LHFPL6: variants seen among roughly 807,000 people sequenced by gnomAD.
LHFPL6 encodes LHFPL tetraspan subfamily member 6.
Under a neutral mutation model 20.6 loss-of-function variants are expected in LHFPL6, and 9 were observed. The observed-to-expected ratio is 0.44, with a 90% CI of 0.26 to 0.76. The LOEUF (loss-of-function observed/expected upper bound fraction) is 0.76. Ranked by LOEUF, LHFPL6 falls within the 30% of genes least tolerant of loss-of-function variation. The pLI is 0.20. For synonymous variants in LHFPL6, 105 were observed against 98.7 expected, an observed-to-expected ratio of 1.06 and a Z score of -0.38; for missense variants, 218 against 253.5, an observed-to-expected ratio of 0.86 and a Z score of 0.95.
chr13:39,462,254 C>G (rs1872706467), intron 2 of LHFPL6, among the ~76,000 whole-genome samples: 1 of 152,182 alleles, frequency 6.6e-6, no homozygotes, highest in Non-Finnish European at 1.5e-5. Flanking sequence ...CCCTCAGAAA[C>G]ACTCCCCTCT....
chr13:39,425,270 CA>C (rs1871609124), intron 2 of LHFPL6, among the ~76,000 whole-genome samples: 1 of 152,196 alleles, frequency 6.6e-6, no homozygotes, highest in South Asian at 2.1e-4. Context: ...TTTATTGTAA[CA>C]GTCCATTGCA....
intron 2 of LHFPL6, among the ~76,000 whole-genome samples, chr13:39,431,201 G>T (rs113656242): frequency 0.17 from 26,540 of 151,894 alleles, 2,691 homozygotes; most frequent in African/African-American, 0.28. Flanking sequence ...ACATCTGAAG[G>T]AACAAACTCC....
At chr13:39,474,017 G>C (rs564563165) in intron 2 of LHFPL6, among the ~76,000 whole-genome samples, 2 of 152,210 alleles carry the variant, frequency 1.3e-5, no homozygotes, top group Middle Eastern at 3.2e-3. Context: ...TTTGGGGAAA[G>C]GGTAACTATT....
chr13:39,542,774 G>A (rs1213345366), intron 2 of LHFPL6, among the ~76,000 whole-genome samples: 1 of 152,184 alleles, frequency 6.6e-6, no homozygotes. Context: ...ACAAATACTT[G>A]TCGAGCCCGT....
chr13:39,508,089 C>T lies in LHFPL6; in HGVS notation c.385+92743G>A, dbSNP rs543668588. 1.6e-3 allele frequency among the ~76,000 whole-genome samples: 240 copies of T among 151,652 alleles called. 2 individuals carry two copies. The highest frequency in any genetic ancestry group is 3.4e-3 in the Middle Eastern group (1 of 294). ...AGGCTAGAGTGCAATGGCGCCATCT[C>T]GGCTCACTGCAATCAATTTCCGCCT... is the stretch of plus-strand genomic sequence containing the variant. On this transcript the variant is annotated intron_variant, in intron 2 of 3. Transcript: ENST00000379589.
rs558772006 is a variant in LHFPL6, at chr13:39,499,453, C to A, written c.385+101379G>T. 4.6e-5 allele frequency among the ~76,000 whole-genome samples: 7 copies of A among 152,296 alleles called. No individual in the cohort carries two copies. The South Asian group carries it at 6.2e-4, about 14-fold the overall frequency. ...ACCATCCCTTGAGAGAACAGACCTG[C>A]AGCCCAGGCATCCTCAGCGCCTCTT... On this transcript the variant is annotated intron_variant, in intron 2 of 3. Coordinates refer to ENST00000379589, the MANE Select transcript of LHFPL6 (RefSeq NM_005780.3).
chr13:39,553,738 G>T (rs754803374), intron 2 of LHFPL6, among the ~76,000 whole-genome samples: 1 of 152,040 alleles, frequency 6.6e-6, no homozygotes, highest in Non-Finnish European at 1.5e-5. Flanking sequence ...AATAAAAAAG[G>T]CCAGGTGCAC....
intron 2 of LHFPL6, among the ~76,000 whole-genome samples, chr13:39,415,473 G>A (rs1290504431): frequency 6.6e-6 from 1 of 150,740 alleles, no homozygotes; most frequent in Non-Finnish European, 1.5e-5. Flanking sequence ...TCCTCTGCTG[G>A]CAAAGACAGC....
At chr13:39,387,589 T>C (rs1335043065) in intron 2 of LHFPL6, among the ~76,000 whole-genome samples, 3 of 149,374 alleles carry the variant, frequency 2.0e-5, no homozygotes, top group African/African-American at 4.9e-5. Flanking sequence ...TCATTACCCC[T>C]GTTTAATAGG....
chr13:39,527,179 T>A (rs1870316428), intron 2 of LHFPL6, among the ~76,000 whole-genome samples: 1 of 152,230 alleles, frequency 6.6e-6, no homozygotes. Flanking sequence ...TTTTCCTTTG[T>A]CCAGTCATAA....
intron 2 of LHFPL6, among the ~76,000 whole-genome samples, chr13:39,446,982 G>A (rs1260034798): frequency 6.6e-6 from 1 of 152,206 alleles, no homozygotes; most frequent in African/African-American, 2.4e-5. Flanking sequence ...CTCTAGAGCT[G>A]AATTCTAACC....
chr13:39,375,982 A>G (rs1157174511), intron 3 of LHFPL6, among the ~76,000 whole-genome samples: 2 of 152,164 alleles, frequency 1.3e-5, no homozygotes, highest in Non-Finnish European at 2.9e-5. Flanking sequence ...GAATGGTTTT[A>G]GAGTGTATAA....
rs180704066 is a variant in LHFPL6, at chr13:39,419,712, C to T, written c.386-41186G>A. ...ATTTTTTTAAAAAATTTAATCATTTCGAGTTGTATAAATATTAGGCCCATA... is the reference window on the plus strand; with the variant it reads ...ATTTTTTTAAAAAATTTAATCATTTTGAGTTGTATAAATATTAGGCCCATA... On this transcript the variant is annotated intron_variant, in intron 2 of 3. Transcript: ENST00000379589. Among the ~76,000 whole-genome samples the T allele has an allele frequency of 1.6e-4, 25 of 152,018 alleles. No individual in the cohort carries two copies. In the East Asian group the frequency reaches 2.7e-3, roughly 16 times the overall value.
chr13:39,435,803 T>TAGTTA (rs1871942174), intron 2 of LHFPL6, among the ~76,000 whole-genome samples: 2 of 152,084 alleles, frequency 1.3e-5, no homozygotes, highest in Admixed American at 1.3e-4. Context: ...AACTACATAT[T>TAGTTA]TGTATGAACC....
At chr13:39,437,142 A>C (rs1871979846) in intron 2 of LHFPL6, among the ~76,000 whole-genome samples, 1 of 152,188 alleles carries the variant, frequency 6.6e-6, no homozygotes, top group Non-Finnish European at 1.5e-5. Flanking sequence ...CGTTGCTATT[A>C]GTGTAATTCT....
At chr13:39,444,976 G>A (rs1795894812) in intron 2 of LHFPL6, among the ~76,000 whole-genome samples, 2 of 152,224 alleles carry the variant, frequency 1.3e-5, no homozygotes, top group South Asian at 4.1e-4. Flanking sequence ...CAAAGCCACA[G>A]GGGCAGGGCT....
intron 2 of LHFPL6, among the ~76,000 whole-genome samples, chr13:39,457,950 G>T (rs1228853753): frequency 6.6e-6 from 1 of 152,190 alleles, no homozygotes; most frequent in East Asian, 1.9e-4. Flanking sequence ...CAGAAATCCA[G>T]ATCCTAAAAT....
chr13:39,556,152 C>T (rs73466896), intron 2 of LHFPL6, among the ~76,000 whole-genome samples: 2,678 of 152,216 alleles, frequency 0.018, 77 homozygotes, highest in African/African-American at 0.062. Context: ...GTCAATAAAA[C>T]GTCTTTATTA....
intron 3 of LHFPL6, among the ~76,000 whole-genome samples, chr13:39,346,512 A>G (rs1345963966): frequency 1.3e-5 from 2 of 152,158 alleles, no homozygotes; most frequent in East Asian, 3.9e-4. Context: ...AGAAGGGAAG[A>G]CTGAGGCCAG....
Sources: allele counts gnomAD v4.1 joint callset (sites outside exome capture counted in the v4.1 genomes callset), GRCh38; gene constraint gnomAD v4.1.1; transcripts MANE v1.5; gene names NCBI Gene and HGNC (gene_info 2026-07-23, HGNC 2026-07-21).